The following EXOC6B variants were observed in gnomAD, a reference collection of about 807,000 sequenced individuals.
EXOC6B encodes the protein exocyst complex component 6B, also known as SEC15 homolog B.
EXOC6B carries 54 observed loss-of-function variants against 113.5 expected under a neutral mutation model. The observed-to-expected ratio is 0.48, with a 90% CI of 0.38 to 0.60. The LOEUF (loss-of-function observed/expected upper bound fraction) is 0.60, where lower values mean the gene tolerates loss of function less well. Among genes scored for constraint, EXOC6B ranks in the 20% least tolerant of loss-of-function variants. The probability of loss-of-function intolerance (pLI) is 0.00; values close to 1 mark genes in which losing one functional copy is unlikely to be tolerated. For synonymous variants in EXOC6B, 357 were observed against 339.0 expected, an observed-to-expected ratio of 1.05 and a Z score of -0.58; for missense variants, 797 against 977.5, an observed-to-expected ratio of 0.82 and a Z score of 2.46.
chr2:72,557,872 G>A (rs1356429878), intron 8 of EXOC6B, among the ~76,000 whole-genome samples: 3 of 151,896 alleles, frequency 2.0e-5, no homozygotes, highest in African/African-American at 2.4e-5. Flanking sequence ...AAAAGTGTCC[G>A]AAAATACACA....
chr2:72,194,601 GTGTGTGTGTGCATA>G (rs746750579), intron 20 of EXOC6B, among the ~76,000 whole-genome samples: 1 of 117,770 alleles, frequency 8.5e-6, no homozygotes, highest in African/African-American at 5.3e-5. Flanking sequence ...CTCTCTCTGT[GTGTGTGTGTGCATA>G]TGTGTGTGTG....
At chr2:72,183,665 A>C (rs1186265583) in intron 21 of EXOC6B, among the ~76,000 whole-genome samples, 1 of 152,168 alleles carries the variant, frequency 6.6e-6, no homozygotes, top group Non-Finnish European at 1.5e-5. Context: ...CAGAGAAACC[A>C]TCTGTTCTGT....
At chr2:72,346,755 G>A (rs1689360777) in intron 19 of EXOC6B, among the ~76,000 whole-genome samples, 1 of 152,134 alleles carries the variant, frequency 6.6e-6, no homozygotes, top group Non-Finnish European at 1.5e-5. Context: ...GAAGGAGGAA[G>A]AGTTAAGGAA....
chr2:72,289,107 T>G (rs1335667928), intron 20 of EXOC6B: 1 of 284,962 alleles, frequency 3.5e-6, no homozygotes, highest in Non-Finnish European at 6.6e-6. Context: ...CCTGGGATTC[T>G]TTTTCTAGAG....
intron 18 of EXOC6B, among the ~76,000 whole-genome samples, chr2:72,407,410 A>AAAAAAACATAACATAACATAACAT (rs1486924423): frequency 1.3e-5 from 2 of 152,074 alleles, no homozygotes; most frequent in African/African-American, 4.8e-5. Flanking sequence ...GAGACATAAC[A>AAAAAAACATAACATAACATAACAT]AAAAAAGAGA....
chr2:72,592,780 G>C (rs921961994), intron 6 of EXOC6B, among the ~76,000 whole-genome samples: 7 of 152,152 alleles, frequency 4.6e-5, no homozygotes, highest in Non-Finnish European at 7.4e-5. Flanking sequence ...TTTGTCCCTG[G>C]TTTCTGGCAC....
chr2:72,639,970 C>G (rs1673111286), intron 6 of EXOC6B, among the ~76,000 whole-genome samples: 1 of 152,172 alleles, frequency 6.6e-6, no homozygotes, highest in Non-Finnish European at 1.5e-5. Flanking sequence ...TTTCTTTCCT[C>G]CAAACAATGG....
intron 20 of EXOC6B, among the ~76,000 whole-genome samples, chr2:72,313,542 A>G (rs1410014179): frequency 6.6e-6 from 1 of 152,204 alleles, no homozygotes; most frequent in Non-Finnish European, 1.5e-5. Context: ...GGGTGTGTAT[A>G]TGTAAAATTA....
intron 11 of EXOC6B, among the ~76,000 whole-genome samples, chr2:72,507,377 A>G (rs939729485): frequency 2.6e-5 from 4 of 152,144 alleles, no homozygotes; most frequent in African/African-American, 9.7e-5. Flanking sequence ...TTGTTTCTTA[A>G]TAACTTTGTC....
At chr2:72,631,408 GT>G in intron 6 of EXOC6B, among the ~76,000 whole-genome samples, 1 of 6,396 alleles carries the variant, frequency 1.6e-4, no homozygotes, top group African/African-American at 3.3e-4. Context: ...GTGTGTATAT[GT>G]GTGTGTGTGT....
At chr2:72,594,761 G>C (rs1341288654) in intron 6 of EXOC6B, among the ~76,000 whole-genome samples, 5 of 152,040 alleles carry the variant, frequency 3.3e-5, no homozygotes, top group African/African-American at 1.2e-4. Context: ...CTGGCATTTA[G>C]AAACAGTAAC....
rs146075268 is a variant in EXOC6B, at chr2:72,494,854, G to A, written c.1553+576C>T. On this transcript the variant is annotated intron_variant, in intron 15 of 21. Transcript: ENST00000272427. ...AAATAATACATTAGCCAAAATCTACGGTGAATAAACCAATACATGAATAAA... is the reference window on the plus strand; with the variant it reads ...AAATAATACATTAGCCAAAATCTACAGTGAATAAACCAATACATGAATAAA... Among the ~76,000 whole-genome samples, 391 of 152,004 alleles carry A rather than the reference G, an allele frequency of 2.6e-3. 2 individuals are homozygous for A. Among genetic ancestry groups the A allele is most frequent in the African/African-American group, 8.7e-3 (359 of 41,442 alleles).
chr2:72,810,200 G>C (rs1036267887), intron 1 of EXOC6B, among the ~76,000 whole-genome samples: 3 of 152,014 alleles, frequency 2.0e-5, no homozygotes, highest in Non-Finnish European at 4.4e-5. Flanking sequence ...AAGATGGTGA[G>C]ACTCCCATCT....
chr2:72,349,934 T>C (rs1420490759), intron 19 of EXOC6B, among the ~76,000 whole-genome samples: 1 of 152,182 alleles, frequency 6.6e-6, no homozygotes, highest in Non-Finnish European at 1.5e-5. Context: ...GGGACTCTGC[T>C]GACTCTGGGA....
intron 20 of EXOC6B, among the ~76,000 whole-genome samples, chr2:72,230,245 T>A (rs541603145): frequency 6.6e-6 from 1 of 152,204 alleles, no homozygotes; most frequent in African/African-American, 2.4e-5. Context: ...GGGACACTTA[T>A]TAGCATGCTG....
intron 19 of EXOC6B, among the ~76,000 whole-genome samples, chr2:72,371,275 A>G (rs563924505): frequency 1.3e-5 from 2 of 152,290 alleles, no homozygotes; most frequent in East Asian, 3.9e-4. Flanking sequence ...CTAAAGAAGA[A>G]CTAATACTAA....
At chr2:72,283,108 T>C (rs1685228383) in intron 20 of EXOC6B, among the ~76,000 whole-genome samples, 1 of 152,148 alleles carries the variant, frequency 6.6e-6, no homozygotes, top group Non-Finnish European at 1.5e-5. Context: ...AGAAAACATC[T>C]TTTAAAGGAC....
At chr2:72,466,615 A>G (rs1385910802) in intron 17 of EXOC6B, among the ~76,000 whole-genome samples, 2 of 152,190 alleles carry the variant, frequency 1.3e-5, no homozygotes, top group East Asian at 3.8e-4. Flanking sequence ...ATAGTTGGTG[A>G]CTATGTTTAC....
chr2:72,465,089 A>T (rs1489414129), intron 18 of EXOC6B, 71 bp downstream of exon 18: 5 of 1,335,714 alleles, frequency 3.7e-6, no homozygotes, highest in Middle Eastern at 3.7e-4. Context: ...AGAAACTAAC[A>T]TCTTTCACCA....
Sources: gnomAD v4.1 joint callset for allele counts (sites outside exome capture counted in the v4.1 genomes callset) on GRCh38, gnomAD v4.1.1 for gene constraint, MANE v1.5 for transcripts, NCBI Gene and HGNC (gene_info 2026-07-23, HGNC 2026-07-21) for gene names.